Variants in TTC39B observed in about 807,000 individuals in gnomAD.
The protein encoded by TTC39B is tetratricopeptide repeat protein 39B.
Under a neutral mutation model 96.6 loss-of-function variants are expected in TTC39B, and 92 were observed. The observed-to-expected ratio is 0.95, with a 90% CI of 0.80 to 1.13. TTC39B has a LOEUF of 1.13. TTC39B is among the 50% of genes most tolerant of loss of function. The pLI, the probability that TTC39B is intolerant of heterozygous loss-of-function variation, is 0.00. For missense variants in TTC39B, 955 were observed against 809.3 expected (o/e 1.18, Z -2.18); for synonymous variants, 367 against 299.4 (o/e 1.23, Z -2.33).
At chr9:15,207,643 G>C (rs1211483076) in intron 6 of TTC39B, among the ~76,000 whole-genome samples, 1 of 152,028 alleles carries the variant, frequency 6.6e-6, no homozygotes, top group Non-Finnish European at 1.5e-5. Flanking sequence ...TTAATGTTAA[G>C]AAAAGCAACA....
chr9:15,241,287 G>T (rs1822027529), intron 2 of TTC39B, among the ~76,000 whole-genome samples: 1 of 150,382 alleles, frequency 6.6e-6, no homozygotes, highest in Admixed American at 6.6e-5. Context: ...AATAGAGAAT[G>T]CAAGGTTAAA....
chr9:15,233,113 G>T (rs1208938414), intron 2 of TTC39B, among the ~76,000 whole-genome samples: 1 of 152,182 alleles, frequency 6.6e-6, no homozygotes, highest in African/African-American at 2.4e-5. Context: ...CAGTCCAGAA[G>T]CCTTCAGATA....
intron 2 of TTC39B, among the ~76,000 whole-genome samples, chr9:15,250,639 T>C (rs1822493433): frequency 6.6e-6 from 1 of 152,256 alleles, no homozygotes; most frequent in Non-Finnish European, 1.5e-5. Context: ...ACTCCACTTT[T>C]AAATTGATAA....
At chr9:15,242,873 A>G (rs1014413990) in intron 2 of TTC39B, among the ~76,000 whole-genome samples, 7 of 152,218 alleles carry the variant, frequency 4.6e-5, no homozygotes, top group Admixed American at 3.3e-4. Flanking sequence ...TGTTTTTTTA[A>G]AAGACTGCTT....
chr9:15,190,741 T>C (rs1818811748), intron 10 of TTC39B, 79 bp from the exon 11 acceptor site: 1 of 1,144,486 alleles, frequency 8.7e-7, no homozygotes, highest in Non-Finnish European at 1.3e-6. Context: ...CATTTTTATA[T>C]ATTAGGGGGG....
At position 15,261,661 on chromosome 9, in the gene TTC39B, C is replaced by A. The variant is rs1202325217; in HGVS notation, c.275+6253G>T. Among the ~76,000 whole-genome samples the A allele has an allele frequency of 2.0e-5, 3 of 152,116 alleles. No individual in the cohort carries two copies. In the East Asian group the frequency reaches 5.8e-4, roughly 29 times the overall value. Reference sequence around the variant, plus strand: ...GAACTGTTCACCCAGCATGTCCCCACCTCTGACCCTCTGCACTGCCTCTAC... The same window carrying A: ...GAACTGTTCACCCAGCATGTCCCCAACTCTGACCCTCTGCACTGCCTCTAC... On this transcript the variant is annotated intron_variant, in intron 2 of 19. Transcript: ENST00000512701.
chr9:15,293,037 T>G (rs1032780331), intron 1 of TTC39B, among the ~76,000 whole-genome samples: 1 of 152,226 alleles, frequency 6.6e-6, no homozygotes, highest in Non-Finnish European at 1.5e-5. Flanking sequence ...CCAGAGCAAC[T>G]TCCAGTCCTG....
intron 18 of TTC39B, among the ~76,000 whole-genome samples, chr9:15,175,662 T>C (rs755943696): frequency 3.3e-5 from 5 of 152,184 alleles, no homozygotes; most frequent in Non-Finnish European, 7.3e-5. Flanking sequence ...TTCAAATGCA[T>C]AGCTTAGCTC....
At chr9:15,170,260 C>T (rs1466019398) in exon 20 of TTC39B, 3 of 68,668 alleles carry the variant, frequency 4.4e-5, no homozygotes, top group African/African-American at 2.1e-4. Context: ...ACAAGCCACA[C>T]ACTGCTTGAT....
intron 1 of TTC39B, among the ~76,000 whole-genome samples, chr9:15,280,671 T>C (rs929362121): frequency 5.3e-5 from 8 of 152,180 alleles, no homozygotes; most frequent in African/African-American, 1.9e-4. Flanking sequence ...CTTGGTATGG[T>C]TGCTGCAGCT....
At chr9:15,258,459 G>T (rs899350312) in intron 2 of TTC39B, among the ~76,000 whole-genome samples, 1 of 152,180 alleles carries the variant, frequency 6.6e-6, no homozygotes, top group Non-Finnish European at 1.5e-5. Flanking sequence ...AAATTAATGT[G>T]TTTGTGAAAC....
intron 4 of TTC39B, among the ~76,000 whole-genome samples, chr9:15,212,894 C>T (rs1820289414): frequency 6.6e-6 from 1 of 151,968 alleles, no homozygotes; most frequent in Admixed American, 6.6e-5. Context: ...GCAATAACTT[C>T]TAGTATTTAA....
Position 15,279,892 on chromosome 9 carries a change from C to CTTTTTTTTT in TTC39B, c.241-11953_241-11945dup, listed in dbSNP as rs1164750793. On this transcript the variant is annotated intron_variant, in intron 1 of 19. Coordinates refer to ENST00000512701, the Ensembl canonical transcript of TTC39B. ...GTAAATAAAGTACTTTTTTTCTTTT[C>CTTTTTTTTT]TTTTTTTTTTTTTTTTTTTTTGAGA... 5.9e-5 allele frequency among the ~76,000 whole-genome samples: 6 copies of CTTTTTTTTT among 101,846 alleles called. 1 individual carries two copies. Among genetic ancestry groups the CTTTTTTTTT allele is most frequent in the African/African-American group, 1.4e-4 (3 of 22,150 alleles). The allele number at this position is 101,846 out of a possible 152,430, so 66.8% of individuals were successfully genotyped here.
At chr9:15,270,172 G>GTA (rs1823289653) in intron 1 of TTC39B, among the ~76,000 whole-genome samples, 4 of 146,604 alleles carry the variant, frequency 2.7e-5, no homozygotes, top group Admixed American at 6.7e-5. Flanking sequence ...TCCATCTCAA[G>GTA]GAAAAAAAAA....
intron 17 of TTC39B, among the ~76,000 whole-genome samples, chr9:15,181,036 G>C (rs555356389): frequency 2.0e-5 from 3 of 152,280 alleles, no homozygotes; most frequent in Non-Finnish European, 1.5e-5. Context: ...GTGGAGGAGA[G>C]TGACTTGGTT....
At chr9:15,218,583 A>T (rs558552030) in intron 3 of TTC39B, among the ~76,000 whole-genome samples, 1 of 137,186 alleles carries the variant, frequency 7.3e-6, no homozygotes, top group Non-Finnish European at 1.6e-5. Flanking sequence ...TCATGTTTCT[A>T]ATTTAAAAGA....
At chr9:15,228,328 G>C (rs1350281952) in intron 2 of TTC39B, among the ~76,000 whole-genome samples, 1 of 152,128 alleles carries the variant, frequency 6.6e-6, no homozygotes, top group African/African-American at 2.4e-5. Context: ...GCCAGGCGTG[G>C]TGGTGGGTGC....
At chr9:15,302,260 A>G (rs1489639197) in intron 1 of TTC39B, among the ~76,000 whole-genome samples, 1 of 151,690 alleles carries the variant, frequency 6.6e-6, no homozygotes, top group Non-Finnish European at 1.5e-5. Flanking sequence ...CGGGAGGCAG[A>G]CGTTACAGTG....
intron 7 of TTC39B, among the ~76,000 whole-genome samples, chr9:15,201,334 A>T (rs567974398): frequency 7.9e-5 from 12 of 152,124 alleles, no homozygotes; most frequent in South Asian, 6.2e-4. Context: ...TATACCAGGC[A>T]CCCAAATGCA....
Sources: allele counts gnomAD v4.1 joint callset (sites outside exome capture counted in the v4.1 genomes callset), GRCh38; gene constraint gnomAD v4.1.1; transcripts MANE v1.5; gene names NCBI Gene and HGNC (gene_info 2026-07-23, HGNC 2026-07-21).